The following TATDN2 variants were observed in gnomAD, a reference collection of about 807,000 sequenced individuals.
TATDN2 encodes the protein TatD DNase domain containing 2, also known as 3'-5' RNA nuclease TATDN2.
A neutral mutation model predicts 60.3 loss-of-function variants in TATDN2; 44 were observed. That is an observed-to-expected ratio of 0.73 (90% CI 0.57 to 0.94). TATDN2 has a LOEUF of 0.94. Among genes scored for constraint, TATDN2 ranks in the 40% least tolerant of loss-of-function variants. The probability of loss-of-function intolerance (pLI) is 0.00; values close to 1 mark genes in which losing one functional copy is unlikely to be tolerated. For missense variants in TATDN2, 997 were observed against 948.0 expected (o/e 1.05, Z -0.68); for synonymous variants, 399 against 355.8 (o/e 1.12, Z -1.37).
rs775942884 is a variant in TATDN2, at chr3:10,270,862, C to T, written c.1680C>T (p.Ala560=). The change falls in exon 4 of 8, where the codon GCC becomes GCT. Residue 560 remains alanine, a synonymous_variant. Transcript: ENST00000448281. ...ELLKEDLVWG[A]FGCHPHFARY... is the part of the protein sequence containing the mutation. ...TGAAAGAGGATCTGGTCTGGGGGGC[C>T]TTTGGCTGTCACCCTCATTTTGCAC... The T allele has an allele frequency of 6.2e-7, 1 of 1,614,166 alleles. No homozygotes were observed. Among genetic ancestry groups the T allele is most frequent in the South Asian group, 1.1e-5 (1 of 91,080 alleles).
At chr3:10,253,166 A>G (rs1017839260) in intron 2 of TATDN2, among the ~76,000 whole-genome samples, 8 of 151,982 alleles carry the variant, frequency 5.3e-5, no homozygotes, top group African/African-American at 1.9e-4. Context: ...CTGCCTGGCT[A>G]ATTTTTTGTG....
At chr3:10,250,643 C>A (rs558865124) in intron 2 of TATDN2, among the ~76,000 whole-genome samples, 29 of 152,318 alleles carry the variant, frequency 1.9e-4, no homozygotes, top group African/African-American at 6.7e-4. Context: ...CTTGGGGACT[C>A]ATAGGCTAAG....
intron 2 of TATDN2, among the ~76,000 whole-genome samples, chr3:10,249,988 T>C (rs577066937): frequency 2.0e-5 from 3 of 152,244 alleles, no homozygotes. Flanking sequence ...ATCACTGCAG[T>C]AGAAGGTGGA....
chr3:10,258,247 C>G lies in TATDN2; in HGVS notation c.415-1890C>G, dbSNP rs550977673. On this transcript the variant is annotated intron_variant, in intron 2 of 7. Coordinates refer to ENST00000448281, the MANE Select transcript of TATDN2 (RefSeq NM_014760.4). Reference sequence around the variant, plus strand: ...CTTCGGAAAAAAATTTCAAATGATACAAGAAGCTTATAATATAAGCACCTA... The same window carrying G: ...CTTCGGAAAAAAATTTCAAATGATAGAAGAAGCTTATAATATAAGCACCTA... 9.4e-4 allele frequency among the ~76,000 whole-genome samples: 143 copies of G among 151,794 alleles called. 2 individuals carry two copies. The highest frequency in any genetic ancestry group is 3.1e-3 in the African/African-American group (130 of 41,424).
At chr3:10,267,703 C>T (rs762072985) in intron 3 of TATDN2, among the ~76,000 whole-genome samples, 11 of 152,204 alleles carry the variant, frequency 7.2e-5, no homozygotes, top group Non-Finnish European at 8.8e-5. Context: ...CATCATATCA[C>T]ATTGAGGCAG....
chr3:10,262,527 CTT>C (rs60747520), intron 3 of TATDN2, among the ~76,000 whole-genome samples: 16 of 59,974 alleles, frequency 2.7e-4, no homozygotes, highest in African/African-American at 1.2e-3. Context: ...TTCTTCTGGG[CTT>C]TTTTTTTTTT....
chr3:10,249,969 C>T (rs2270452), intron 2 of TATDN2, among the ~76,000 whole-genome samples: 36,511 of 152,024 alleles, frequency 0.24, 4,869 homozygotes, highest in Middle Eastern at 0.36. Flanking sequence ...CGTGCAGCCC[C>T]GTTGGAGAAT....
rs144270599 is a variant in TATDN2 at position 10,260,150 on chromosome 3, A to C, written c.428A>C (p.Asp143Ala). The change falls in exon 3 of 8, where the codon GAT (aspartate) becomes GCT (alanine). Residue 143 changes from aspartate to alanine, a missense_variant. Coordinates refer to ENST00000448281, the MANE Select transcript of TATDN2 (RefSeq NM_014760.4). ...TTTTTTTCCCAGGTTGATTCCAAAG[A>C]TAGTTCTCATAACTCCACAAACTCT... ...EACSLKVDSK[D>A]SSHNSTNSEF... 1.2e-6 allele frequency: 2 copies of C among 1,607,782 alleles called. No homozygotes were observed. Among genetic ancestry groups the C allele is most frequent in the Non-Finnish European group, 1.7e-6 (2 of 1,178,044 alleles).
In TATDN2 at chr3:10,270,622, C is replaced by T. The variant is rs1698547332; in HGVS notation, c.1440C>T (p.Ser480=). 3 of 1,614,254 alleles carry T rather than the reference C, an allele frequency of 1.9e-6. No individual in the cohort carries two copies. Among genetic ancestry groups the T allele is most frequent in the Admixed American group, 1.7e-5 (1 of 60,030 alleles). The stretch of plus-strand genomic sequence containing the variant: ...GTCCTTGTGGAGGACACGCATCCAG[C>T]TCCCTGCCAAAGAGCCACCTGGAGC... ...PPRPCGGHAS[S]SLPKSHLEPS... Residue 480 remains serine, a synonymous_variant, in exon 4 of 8, where the codon AGC becomes AGT. Transcript: ENST00000448281.
chr3:10,271,090 A>G, intron 4 of TATDN2, 75 bp downstream of exon 4: 1 of 1,482,832 alleles, frequency 6.7e-7, no homozygotes, highest in Non-Finnish European at 8.9e-7. Context: ...ATAAGGGTTT[A>G]TCTAATTTTA....
rs779548288 is a variant in TATDN2, at chr3:10,260,594, G to A, written c.872G>A (p.Arg291Gln). Residue 291 changes from arginine to glutamine, a missense_variant, in exon 3 of 8, where the codon CGA becomes CAA. Arg to Gln is a conservative substitution (Grantham distance 43). Transcript: ENST00000448281. ...CCCAGTGAGGAGCCCCTTGGGGACC[G>A]AAGGACTGTCATTGACAAATGCTCT... ...EKPSEEPLGD[R>Q]RTVIDKCSPP... The A allele has an allele frequency of 3.1e-6, 5 of 1,614,042 alleles. No homozygotes were observed. The highest frequency in any genetic ancestry group is 2.7e-5 in the African/African-American group (2 of 74,922).
At chr3:10,264,417 TTTTA>T (rs1478265330) in intron 3 of TATDN2, among the ~76,000 whole-genome samples, 1 of 152,088 alleles carries the variant, frequency 6.6e-6, no homozygotes, top group Non-Finnish European at 1.5e-5. Context: ...TGTAGAGGGG[TTTTA>T]TTTGTTTTTT....
At chr3:10,267,890 A>AG (rs1405114123) in intron 3 of TATDN2, among the ~76,000 whole-genome samples, 3 of 152,222 alleles carry the variant, frequency 2.0e-5, no homozygotes, top group Non-Finnish European at 4.4e-5. Context: ...AAAATTCAGC[A>AG]GGGAAAAAAA....
At chr3:10,266,510 AAGTC>A (rs1266332601) in intron 3 of TATDN2, among the ~76,000 whole-genome samples, 8 of 152,216 alleles carry the variant, frequency 5.3e-5, no homozygotes, top group African/African-American at 1.7e-4. Flanking sequence ...GATCTTGAGA[AAGTC>A]AGCCTCTTTG....
chr3:10,255,170 C>T (rs1321079099), intron 2 of TATDN2, among the ~76,000 whole-genome samples: 1 of 151,686 alleles, frequency 6.6e-6, no homozygotes, highest in African/African-American at 2.4e-5. Context: ...CCACCATGCC[C>T]AGCTAATTTT....
intron 4 of TATDN2, among the ~76,000 whole-genome samples, chr3:10,275,959 G>C (rs918533532): frequency 6.6e-6 from 1 of 152,152 alleles, no homozygotes; most frequent in Non-Finnish European, 1.5e-5. Flanking sequence ...GGGACAGTGA[G>C]GTGAGGGACA....
At chr3:10,262,204 GTCTGGACTGCCTGCCGT>G (rs1294948411) in intron 3 of TATDN2, among the ~76,000 whole-genome samples, 9 of 151,916 alleles carry the variant, frequency 5.9e-5, no homozygotes, top group Admixed American at 3.3e-4. Flanking sequence ...TCCTGCTCTG[GTCTGGACTGCCTGCCGT>G]CAGGCCAGCT....
chr3:10,260,746 CTAAG>C, intron 3 of TATDN2, 76 bp downstream of exon 3: 1 of 1,483,826 alleles, frequency 6.7e-7, no homozygotes, highest in Admixed American at 2.2e-5. Flanking sequence ...TAGTTTGATC[CTAAG>C]TGTTACTAAT....
intron 2 of TATDN2, among the ~76,000 whole-genome samples, chr3:10,254,172 A>T (rs1403372498): frequency 6.6e-6 from 1 of 152,300 alleles, no homozygotes; most frequent in Admixed American, 6.5e-5. Context: ...GTTGCCAAGG[A>T]CAATCGGGCC....
Sources: gnomAD v4.1 joint callset for allele counts (sites outside exome capture counted in the v4.1 genomes callset) on GRCh38, gnomAD v4.1.1 for gene constraint, MANE v1.5 for transcripts, NCBI Gene and HGNC (gene_info 2026-07-23, HGNC 2026-07-21) for gene names.